The following NELL1 variants were observed in gnomAD, a reference collection of about 807,000 sequenced individuals.
NELL1 encodes neural EGFL like 1, also known as protein kinase C-binding protein NELL1.
Under a neutral mutation model 107.4 loss-of-function variants are expected in NELL1, and 76 were observed. The ratio of observed to expected loss-of-function variants is 0.71; its 90% CI spans 0.59 to 0.86. The LOEUF (loss-of-function observed/expected upper bound fraction) is 0.86, where lower values mean the gene tolerates loss of function less well. NELL1 is among the 40% of genes least tolerant of loss of function. The pLI, the probability that NELL1 is intolerant of heterozygous loss-of-function variation, is 0.00. For synonymous variants in NELL1, 353 were observed against 341.2 expected (o/e 1.03, Z -0.38); for missense variants, 1,024 against 1,005.5 (o/e 1.02, Z -0.25).
rs1450567241 is a variant in NELL1, at chr11:21,297,907, T to TAGAGAA, written c.1549+68465_1549+68470dup. ...ATGAGGGACAGAAGGAGGGAGGGAG[T>TAGAGAA]AGAGAAAGAGAAAGAGAGAGGAGAG... On this transcript the variant is annotated intron_variant, in intron 14 of 19. Coordinates refer to ENST00000357134, the MANE Select transcript of NELL1 (RefSeq NM_006157.5). 3.3e-5 allele frequency among the ~76,000 whole-genome samples: 5 copies of TAGAGAA among 149,710 alleles called. No homozygotes were observed. The South Asian group carries it at 8.5e-4, about 26-fold the overall frequency.
At chr11:21,563,850 A>T (rs1477972649) in intron 17 of NELL1, among the ~76,000 whole-genome samples, 1 of 151,970 alleles carries the variant, frequency 6.6e-6, no homozygotes, top group Non-Finnish European at 1.5e-5. Flanking sequence ...CCCTTAAAGG[A>T]TGAGGAATTT....
At chr11:21,334,032 T>C (rs1018623991) in intron 14 of NELL1, among the ~76,000 whole-genome samples, 4 of 152,096 alleles carry the variant, frequency 2.6e-5, no homozygotes, top group African/African-American at 9.6e-5. Flanking sequence ...TTGGAGTTCA[T>C]TCATTTATTA....
intron 13 of NELL1, among the ~76,000 whole-genome samples, chr11:21,226,432 T>C (rs943416403): frequency 6.6e-6 from 1 of 152,166 alleles, no homozygotes; most frequent in Non-Finnish European, 1.5e-5. Flanking sequence ...ACAATCTGAG[T>C]TTCTCTACTT....
At chr11:21,127,183 G>A (rs1011090053) in intron 13 of NELL1, among the ~76,000 whole-genome samples, 4 of 152,004 alleles carry the variant, frequency 2.6e-5, no homozygotes, top group South Asian at 2.1e-4. Flanking sequence ...GAGGGAATTC[G>A]CAACACACAG....
At chr11:20,806,681 C>G (rs1013843470) in intron 3 of NELL1, among the ~76,000 whole-genome samples, 1 of 152,088 alleles carries the variant, frequency 6.6e-6, no homozygotes, top group Admixed American at 6.6e-5. Context: ...TAGATTTGCC[C>G]TTTCGAAGCT....
intron 15 of NELL1, among the ~76,000 whole-genome samples, chr11:21,460,497 G>A (rs186075388): frequency 4.1e-4 from 62 of 152,234 alleles, no homozygotes; most frequent in African/African-American, 1.0e-3. Flanking sequence ...CCAAAGAATC[G>A]TTGGCTTGAG....
intron 15 of NELL1, among the ~76,000 whole-genome samples, chr11:21,524,044 T>C (rs2133959280): frequency 6.6e-6 from 1 of 152,284 alleles, no homozygotes; most frequent in East Asian, 1.9e-4. Context: ...AGTATGTTTT[T>C]TCTTTACATT....
chr11:21,116,406 T>C (rs543934004), intron 13 of NELL1, among the ~76,000 whole-genome samples: 179 of 152,124 alleles, frequency 1.2e-3, no homozygotes, highest in African/African-American at 4.2e-3. Context: ...AGAGCTTTAA[T>C]AGTATCTTTA....
At chr11:20,985,452 T>C (rs1331408189) in intron 12 of NELL1, among the ~76,000 whole-genome samples, 1 of 152,216 alleles carries the variant, frequency 6.6e-6, no homozygotes, top group Non-Finnish European at 1.5e-5. Flanking sequence ...TATACAGTTA[T>C]GGAAAATCTA....
chr11:21,043,233 G>A (rs1853279136), intron 12 of NELL1, among the ~76,000 whole-genome samples: 1 of 152,080 alleles, frequency 6.6e-6, no homozygotes, highest in Non-Finnish European at 1.5e-5. Flanking sequence ...ACTGGGCCCA[G>A]GCATCTGTGT....
intron 3 of NELL1, among the ~76,000 whole-genome samples, chr11:20,836,722 A>G (rs1848540811): frequency 1.3e-5 from 2 of 152,090 alleles, no homozygotes; most frequent in Non-Finnish European, 2.9e-5. Flanking sequence ...CATTCCATTT[A>G]TATGACACTC....
intron 4 of NELL1, among the ~76,000 whole-genome samples, chr11:20,859,666 A>G (rs1350979783): frequency 6.6e-6 from 1 of 152,206 alleles, no homozygotes; most frequent in Non-Finnish European, 1.5e-5. Context: ...TGAAGGTCTC[A>G]TTATAAACTA....
At chr11:20,808,235 T>G (rs915839361) in intron 3 of NELL1, among the ~76,000 whole-genome samples, 2 of 152,172 alleles carry the variant, frequency 1.3e-5, no homozygotes, top group Non-Finnish European at 2.9e-5. Context: ...TGATGAATAC[T>G]GCCTGGATTC....
At chr11:21,357,842 C>A (rs1242940328) in intron 14 of NELL1, among the ~76,000 whole-genome samples, 1 of 152,090 alleles carries the variant, frequency 6.6e-6, no homozygotes, top group African/African-American at 2.4e-5. Flanking sequence ...GATAAGGATC[C>A]AGTTTTATTC....
chr11:21,495,695 G>C (rs1854959189), intron 15 of NELL1, among the ~76,000 whole-genome samples: 2 of 151,984 alleles, frequency 1.3e-5, no homozygotes, highest in South Asian at 4.2e-4. Context: ...TTTGATTCAA[G>C]TTGTCCTGGT....
chr11:20,713,519 G>A (rs1855164296), intron 2 of NELL1, among the ~76,000 whole-genome samples: 2 of 152,060 alleles, frequency 1.3e-5, no homozygotes, highest in South Asian at 4.2e-4. Context: ...CTCCTGCAGT[G>A]CCCCCTGTTC....
chr11:21,254,979 A>AT (rs1009720097), intron 14 of NELL1, among the ~76,000 whole-genome samples: 6 of 152,056 alleles, frequency 3.9e-5, no homozygotes, highest in Non-Finnish European at 7.4e-5. Context: ...AGCAGAGGGA[A>AT]TGGTAATGAT....
chr11:21,461,631 T>G (rs1162706921), intron 15 of NELL1, among the ~76,000 whole-genome samples: 1 of 152,054 alleles, frequency 6.6e-6, no homozygotes, highest in African/African-American at 2.4e-5. Flanking sequence ...CTCCCTTAAT[T>G]CTTACAACAA....
chr11:20,954,136 A>C (rs1851121678), intron 11 of NELL1, among the ~76,000 whole-genome samples: 1 of 152,240 alleles, frequency 6.6e-6, no homozygotes, highest in Non-Finnish European at 1.5e-5. Context: ...ATTCAGCTTC[A>C]TATAATTGTT....
Sources: gnomAD v4.1 joint callset for allele counts (sites outside exome capture counted in the v4.1 genomes callset) on GRCh38, gnomAD v4.1.1 for gene constraint, MANE v1.5 for transcripts, NCBI Gene and HGNC (gene_info 2026-07-23, HGNC 2026-07-21) for gene names.